Variants in FURIN observed in about 807,000 individuals in gnomAD.
FURIN encodes the protein FES upstream region.
In FURIN, 18 loss-of-function variants were observed where a neutral mutation model predicts 89.2. That is an observed-to-expected ratio of 0.20 (90% CI 0.14 to 0.30). The LOEUF (loss-of-function observed/expected upper bound fraction) is 0.30, where lower values mean the gene tolerates loss of function less well. Among genes scored for constraint, FURIN ranks in the 10% least tolerant of loss-of-function variants. The pLI, the probability that FURIN is intolerant of heterozygous loss-of-function variation, is 1.00. For missense variants in FURIN, 879 were observed against 1,100.5 expected (o/e 0.80, Z 2.85); for synonymous variants, 508 against 466.4 (o/e 1.09, Z -1.15).
chr15:90,875,981 CA>C (rs1025188323), intron 2 of FURIN, 64 bp downstream of exon 2: 2 of 1,375,864 alleles, frequency 1.5e-6, no homozygotes, highest in African/African-American at 2.9e-5. Context: ...ATTCTGGGAG[CA>C]GGAGCTGTTG....
At chr15:90,874,699 A>T (rs529542827) in intron 1 of FURIN, among the ~76,000 whole-genome samples, 26 of 152,206 alleles carry the variant, frequency 1.7e-4, no homozygotes, top group Non-Finnish European at 3.4e-4. Context: ...AACCTTGAAA[A>T]GCCAACATCT....
intron 1 of FURIN, among the ~76,000 whole-genome samples, chr15:90,869,439 G>GCTTTT: frequency 6.6e-6 from 1 of 152,322 alleles, no homozygotes; most frequent in Non-Finnish European, 1.5e-5. Flanking sequence ...CTCACAGAGA[G>GCTTTT]TGGCTTTCAA....
At chr15:90,877,991 G>A (rs2031730171) in intron 7 of FURIN, 141 bp from the exon 8 acceptor site, 1 of 719,174 alleles carries the variant, frequency 1.4e-6, no homozygotes. Flanking sequence ...GGTAGTTGGG[G>A]GTTCAGGGTT....
chr15:90,879,810 G>A, intron 11 of FURIN, 36 bp downstream of exon 11: 1 of 1,608,752 alleles, frequency 6.2e-7, no homozygotes, highest in South Asian at 1.1e-5. Context: ...TGGATGTGGA[G>A]TTAGGTAGAA....
chr15:90,872,380 G>A (rs1223196208), intron 1 of FURIN, among the ~76,000 whole-genome samples: 1 of 152,134 alleles, frequency 6.6e-6, no homozygotes, highest in African/African-American at 2.4e-5. Context: ...CTACCCCCTG[G>A]CCCCTGGGGT....
At position 90,881,134 on chromosome 15, in the gene FURIN, A is replaced by C. The variant is rs2031941603; in HGVS notation, c.1792+94A>C. ...CCCAGCTCTAACAGAAAAAAGTCTC[A>C]AGAGACCTAGGGCCCCTGGGGCTCT... On this transcript the variant is annotated intron_variant, in intron 15 of 15. Coordinates refer to ENST00000268171, the MANE Select transcript of FURIN (RefSeq NM_002569.4). The surrounding 1 kb of genome is among the most constrained non-coding windows in gnomAD (Gnocchi z 4.3). 2 of 1,164,010 alleles carry C rather than the reference A, an allele frequency of 1.7e-6. No individual in the cohort carries two copies. Among genetic ancestry groups the C allele is most frequent in the African/African-American group, 3.1e-5 (2 of 65,466 alleles). 72.1% of individuals were successfully genotyped at this position (1,164,010 alleles called of 1,614,324 possible).
At position 90,876,956 on chromosome 15, in the gene FURIN, C is replaced by G. The variant is rs370390012; in HGVS notation, c.433C>G (p.His145Asp). The change falls in exon 5 of 16, where the codon CAC becomes GAC. Residue 145 changes from histidine (H) to aspartate (D), a missense_variant. This residue lies in a region of FURIN where 139 missense variants were observed against 215.0 expected (regional missense o/e 0.65). Coordinates refer to ENST00000268171, the MANE Select transcript of FURIN (RefSeq NM_002569.4). This position sits in a 1 kb window ranked among gnomAD's most constrained non-coding sequence, Gnocchi z 5.0. ...KAAWAQGYTG[H>D]GIVVSILDDG... Reference sequence around the variant, plus strand: ...GGCCTGGGCGCAGGGCTACACAGGGCACGGCATTGTGGTCTCCATTCTGGA... The same window carrying G: ...GGCCTGGGCGCAGGGCTACACAGGGGACGGCATTGTGGTCTCCATTCTGGA... The G allele has an allele frequency of 2.5e-6, 4 of 1,613,988 alleles. No homozygotes were observed. Among genetic ancestry groups the G allele is most frequent in the Non-Finnish European group, 3.4e-6 (4 of 1,179,962 alleles).
At position 90,879,990 on chromosome 15, in the gene FURIN, G is replaced by C; in HGVS notation, c.1376+6G>C. 6.2e-7 allele frequency: 1 copy of C among 1,611,648 alleles called. No homozygotes were observed. Among genetic ancestry groups the C allele is most frequent in the Non-Finnish European group, 8.5e-7 (1 of 1,178,734 alleles). On this transcript the variant is annotated splice_donor_region_variant and intron_variant, in intron 12 of 15. Coordinates refer to ENST00000268171, the MANE Select transcript of FURIN (RefSeq NM_002569.4). ...GACATCCTCACCGAGCCCAAGTGAG[G>C]GCTGGACCCAGGCTGGGAGGGGGCC...
chr15:90,870,556 G>A (rs1433267964), intron 1 of FURIN, among the ~76,000 whole-genome samples: 1 of 152,130 alleles, frequency 6.6e-6, no homozygotes, highest in Admixed American at 6.5e-5. Context: ...CAGGGAGCGA[G>A]AAGAGATGGG....
Position 90,875,735 on chromosome 15 carries a change from C to T in FURIN, c.-6C>T. On this transcript the variant is annotated 5_prime_UTR_variant, in exon 2 of 16. Transcript: ENST00000268171. ...CGCTCCAGGGTCCCAGCCACCTGTCCCCCCCATGGAGCTGAGGCCCTGGTT... is the reference window on the plus strand; with the variant it reads ...CGCTCCAGGGTCCCAGCCACCTGTCTCCCCCATGGAGCTGAGGCCCTGGTT... 2.0e-6 allele frequency: 3 copies of T among 1,533,258 alleles called. No homozygotes were observed. Among genetic ancestry groups the T allele is most frequent in the Non-Finnish European group, 2.6e-6 (3 of 1,136,388 alleles). 95.0% of individuals were successfully genotyped at this position (1,533,258 alleles called of 1,614,324 possible). A position where few individuals can be genotyped will look rare whatever the true frequency, so the allele number is the denominator to read the frequency against.
Position 90,880,110 on chromosome 15 carries a change from C to G in FURIN, c.1393C>G (p.Leu465Val). Reference protein sequence around the residue: ...LTEPKDIGKRLEVRKTVTACL... With the variant: ...LTEPKDIGKRVEVRKTVTACL... Reference sequence around the variant, plus strand: ...CCTGCACAGAGACATCGGGAAACGGCTCGAGGTGCGGAAGACCGTGACCGC... The same window carrying G: ...CCTGCACAGAGACATCGGGAAACGGGTCGAGGTGCGGAAGACCGTGACCGC... Residue 465 changes from leucine (L) to valine (V), a missense_variant, in exon 13 of 16, where the codon CTC becomes GTC. By Grantham distance (32) the Leu-to-Val change is conservative. Coordinates refer to ENST00000268171, the MANE Select transcript of FURIN (RefSeq NM_002569.4). 1 of 1,606,360 alleles carries G rather than the reference C, an allele frequency of 6.2e-7. No individual in the cohort carries two copies. The highest frequency in any genetic ancestry group is 8.5e-7 in the Non-Finnish European group (1 of 1,175,190).
At chr15:90,879,059 C>G (rs996978784) in intron 9 of FURIN, 83 bp downstream of exon 9, 1 of 859,458 alleles carries the variant, frequency 1.2e-6, no homozygotes, top group African/African-American at 1.7e-5. Context: ...AGGCTGTCTG[C>G]CTCCACCCCC....
intron 7 of FURIN, 97 bp from the exon 8 acceptor site, chr15:90,878,034 AT>A: frequency 8.6e-7 from 1 of 1,165,672 alleles, no homozygotes; most frequent in Non-Finnish European, 1.3e-6. Flanking sequence ...TCCCTTACTC[AT>A]CCCCTGGGGT....
rs1382613407 is a variant in FURIN at position 90,883,051 on chromosome 15, C to T, written c.*1173C>T. 1 of 152,658 alleles carries T rather than the reference C, an allele frequency of 6.6e-6. No individual in the cohort carries two copies. The highest frequency in any genetic ancestry group is 1.9e-4 in the East Asian group (1 of 5,198). 9.5% of individuals were successfully genotyped at this position (152,658 alleles called of 1,614,324 possible). A position where few individuals can be genotyped will look rare whatever the true frequency, so the allele number is the denominator to read the frequency against. Reference sequence around the variant, plus strand: ...CGCCATGCCGGGGGTTCATAGGTCACTGGCTCTCCAAGTGCCAGAGGTGGG... The same window carrying T: ...CGCCATGCCGGGGGTTCATAGGTCATTGGCTCTCCAAGTGCCAGAGGTGGG... On this transcript the variant is annotated 3_prime_UTR_variant, in exon 16 of 16. Coordinates refer to ENST00000268171, the MANE Select transcript of FURIN (RefSeq NM_002569.4).
At chr15:90,872,847 CTG>C (rs1166567573) in intron 1 of FURIN, 8 of 152,328 alleles carry the variant, frequency 5.3e-5, no homozygotes, top group South Asian at 2.1e-4. Flanking sequence ...TGCTCTGTGG[CTG>C]TGTCAGAGCC....
At chr15:90,872,161 C>T (rs1427318346) in intron 1 of FURIN, among the ~76,000 whole-genome samples, 2 of 151,488 alleles carry the variant, frequency 1.3e-5, no homozygotes, top group African/African-American at 4.8e-5. Context: ...GGGCCTCGCC[C>T]CCGCCCGCAC....
At position 90,877,625 on chromosome 15, in the gene FURIN, G is replaced by T. The variant is rs761534149; in HGVS notation, c.667+10G>T. 20 of 1,547,662 alleles carry T rather than the reference G, an allele frequency of 1.3e-5. No individual in the cohort carries two copies. The highest frequency in any genetic ancestry group is 1.6e-5 in the Non-Finnish European group (18 of 1,142,050). On this transcript the variant is annotated intron_variant, in intron 7 of 15. Transcript: ENST00000268171. ...AACGCCCGCATTGGAGGTGAGTGTG[G>T]GCCTGGGCCACCCTGTCTTCAGGAG...
At chr15:90,869,030 G>C (rs773381690) in intron 1 of FURIN, among the ~76,000 whole-genome samples, 2 of 152,206 alleles carry the variant, frequency 1.3e-5, no homozygotes, top group African/African-American at 4.8e-5. Flanking sequence ...AGTGCTTGGA[G>C]TCAGGATGAC....
In FURIN at chr15:90,877,221, G is replaced by T; in HGVS notation, c.578+10G>T. The T allele has an allele frequency of 6.3e-7, 1 of 1,589,582 alleles. No individual in the cohort carries two copies. The highest frequency in any genetic ancestry group is 1.1e-5 in the South Asian group (1 of 87,574). On this transcript the variant is annotated intron_variant, in intron 6 of 15. Coordinates refer to ENST00000268171, the MANE Select transcript of FURIN (RefSeq NM_002569.4). ...AGATGAATGACAACAGGTAAGAAGT[G>T]GCAGGCCCCGGTCTCTGCCTCCCTT...
Sources: allele counts gnomAD v4.1 joint callset (sites outside exome capture counted in the v4.1 genomes callset), GRCh38; gene constraint gnomAD v4.1.1; regional missense constraint gnomAD v4.1.1; non-coding constraint Gnocchi (gnomAD v3.1); transcripts MANE v1.5; gene names NCBI Gene and HGNC (gene_info 2026-07-23, HGNC 2026-07-21).